Variants in IFRD1 observed in about 807,000 individuals in gnomAD.
The protein encoded by IFRD1 is interferon related developmental regulator 1.
Under a neutral mutation model 52.9 loss-of-function variants are expected in IFRD1, and 35 were observed. The observed-to-expected ratio is 0.66, with a 90% CI of 0.51 to 0.88. The LOEUF is 0.88. Ranked by LOEUF, IFRD1 falls within the 40% of genes least tolerant of loss-of-function variation. The pLI is 0.00. For missense variants in IFRD1, 517 were observed against 550.8 expected (o/e 0.94, Z 0.61); for synonymous variants, 184 against 188.4 (o/e 0.98, Z 0.19).
intron 1 of IFRD1, among the ~76,000 whole-genome samples, chr7:112,438,330 G>A (rs182086743): frequency 9.2e-5 from 14 of 152,266 alleles, no homozygotes; most frequent in Admixed American, 4.6e-4. Context: ...AAAAGCAAAC[G>A]TGTAGGCAGG....
chr7:112,445,113 C>T (rs1325827735), intron 1 of IFRD1, among the ~76,000 whole-genome samples: 2 of 139,060 alleles, frequency 1.4e-5, no homozygotes, highest in East Asian at 4.2e-4. Context: ...GTCACCCAGG[C>T]TGGAGTGCAG....
At chr7:112,427,664 T>A (rs1794456354) in intron 1 of IFRD1, among the ~76,000 whole-genome samples, 1 of 152,246 alleles carries the variant, frequency 6.6e-6, no homozygotes, top group South Asian at 2.1e-4. Flanking sequence ...AATTGCTTTC[T>A]TTTCTTTCTC....
At chr7:112,457,130 T>C in intron 4 of IFRD1, 92 bp downstream of exon 4, 1 of 1,312,762 alleles carries the variant, frequency 7.6e-7, no homozygotes, top group Non-Finnish European at 1.1e-6. Flanking sequence ...ACTGGAACAC[T>C]GGCCCACTCT....
chr7:112,471,936 T>C (rs931022257), intron 9 of IFRD1, among the ~76,000 whole-genome samples: 1 of 152,122 alleles, frequency 6.6e-6, no homozygotes, highest in Non-Finnish European at 1.5e-5. Context: ...TTTAAGTTTG[T>C]TGAGAGCTGT....
chr7:112,453,923 A>C (rs540934200), intron 1 of IFRD1, among the ~76,000 whole-genome samples: 125 of 152,338 alleles, frequency 8.2e-4, no homozygotes, highest in African/African-American at 2.9e-3. Flanking sequence ...CATTAAAAAA[A>C]AACCGTTAAG....
At chr7:112,452,461 G>A (rs1348466558) in intron 1 of IFRD1, 2 of 983,182 alleles carry the variant, frequency 2.0e-6, no homozygotes, top group Non-Finnish European at 2.4e-6. Context: ...TCTTACCACT[G>A]TGTTTCAGCT....
rs7817 is a variant in IFRD1, at chr7:112,475,603, C to T, written c.*84C>T. The T allele has an allele frequency of 0.47, 381,975 of 809,472 alleles. 93,673 individuals carry two copies. Among genetic ancestry groups the T allele is most frequent in the Non-Finnish European group, 0.51 (251,638 of 489,468 alleles). 50.1% of individuals were successfully genotyped at this position (809,472 alleles called of 1,614,324 possible). On this transcript the variant is annotated 3_prime_UTR_variant, in exon 12 of 12. Transcript: ENST00000403825. ...TTAAACTCTAGACACAGTTTTTATC[C>T]TGGATTAACTTAGATAACTTTTGTA...
intron 1 of IFRD1, among the ~76,000 whole-genome samples, chr7:112,433,646 C>T (rs1304657966): frequency 2.0e-5 from 3 of 152,206 alleles, no homozygotes; most frequent in Non-Finnish European, 4.4e-5. Context: ...GGGCTGTTAT[C>T]ATCCTCTGTT....
chr7:112,449,139 A>C (rs1245639517), upstream of IFRD1, among the ~76,000 whole-genome samples: 2 of 152,246 alleles, frequency 1.3e-5, no homozygotes, highest in East Asian at 3.8e-4. Context: ...ATTACTGTGC[A>C]TGAAACATGG....
intron 1 of IFRD1, among the ~76,000 whole-genome samples, chr7:112,454,401 C>T (rs952950104): frequency 6.6e-6 from 1 of 152,072 alleles, no homozygotes; most frequent in African/African-American, 2.4e-5. Flanking sequence ...CCATGTTGGC[C>T]AGGCTGGTCT....
intron 1 of IFRD1, among the ~76,000 whole-genome samples, chr7:112,455,371 G>A (rs1221415729): frequency 6.6e-6 from 1 of 152,068 alleles, no homozygotes; most frequent in Non-Finnish European, 1.5e-5. Context: ...TGTAATCCCA[G>A]CTACTCAGGA....
upstream of IFRD1, among the ~76,000 whole-genome samples, chr7:112,449,826 TGGGGGG>T (rs57063084): frequency 3.7e-4 from 45 of 120,420 alleles, 1 homozygote; most frequent in South Asian, 1.8e-3. Flanking sequence ...TCCCTTTTTT[TGGGGGG>T]GGGGGGGGAT....
At chr7:112,452,529 T>G in intron 1 of IFRD1, 3 of 790,372 alleles carry the variant, frequency 3.8e-6, no homozygotes, top group Non-Finnish European at 4.6e-6. Context: ...TTTTATTCTA[T>G]TACCCTTTTG....
chr7:112,442,075 A>C (rs1014964269), intron 1 of IFRD1, among the ~76,000 whole-genome samples: 1 of 152,216 alleles, frequency 6.6e-6, no homozygotes, highest in Non-Finnish European at 1.5e-5. Context: ...ACAGTCACCA[A>C]ACTAGTAAGT....
intron 1 of IFRD1, among the ~76,000 whole-genome samples, chr7:112,427,640 T>C (rs978040110): frequency 3.9e-5 from 6 of 152,358 alleles, no homozygotes; most frequent in African/African-American, 1.4e-4. Flanking sequence ...CTGATTATTC[T>C]GTCTTCTGTG....
intron 9 of IFRD1, among the ~76,000 whole-genome samples, chr7:112,471,501 C>T (rs1424932494): frequency 6.6e-6 from 1 of 152,148 alleles, no homozygotes; most frequent in Non-Finnish European, 1.5e-5. Context: ...TTCCTGGTTA[C>T]TCTGACATAC....
intron 8 of IFRD1, among the ~76,000 whole-genome samples, chr7:112,467,148 GTTATA>G (rs1365942464): frequency 1.3e-5 from 2 of 152,146 alleles, no homozygotes; most frequent in Non-Finnish European, 2.9e-5. Flanking sequence ...TAGAAGAGCT[GTTATA>G]TTAATATAAT....
At chr7:112,434,116 C>A (rs1349817498) in intron 1 of IFRD1, among the ~76,000 whole-genome samples, 1 of 152,170 alleles carries the variant, frequency 6.6e-6, no homozygotes, top group Non-Finnish European at 1.5e-5. Flanking sequence ...AGCTACTGTG[C>A]CTGACTGTCT....
chr7:112,454,426 CAGG>C (rs1795238709), intron 1 of IFRD1, among the ~76,000 whole-genome samples: 2 of 152,050 alleles, frequency 1.3e-5, no homozygotes, highest in Non-Finnish European at 2.9e-5. Context: ...CTCCTGACCT[CAGG>C]TGATCTGCCG....
Sources: allele counts gnomAD v4.1 joint callset (sites outside exome capture counted in the v4.1 genomes callset), GRCh38; gene constraint gnomAD v4.1.1; transcripts MANE v1.5; gene names NCBI Gene and HGNC (gene_info 2026-07-23, HGNC 2026-07-21).